RABGAP1L: variants seen among roughly 807,000 people sequenced by gnomAD.
RABGAP1L encodes rab GTPase-activating protein 1-like.
RABGAP1L carries 63 observed loss-of-function variants against 137.7 expected under a neutral mutation model. That is an observed-to-expected ratio of 0.46 (90% CI 0.37 to 0.56). The LOEUF (loss-of-function observed/expected upper bound fraction) is 0.56. Ranked by LOEUF, RABGAP1L falls within the 20% of genes least tolerant of loss-of-function variation. RABGAP1L has a pLI of 0.00. For synonymous variants in RABGAP1L, 431 were observed against 433.7 expected (o/e 0.99, Z 0.08); for missense variants, 1,095 against 1,244.0 (o/e 0.88, Z 1.80).
intron 12 of RABGAP1L, among the ~76,000 whole-genome samples, chr1:174,381,083 A>G (rs1686100013): frequency 1.0e-5 from 1 of 97,674 alleles, no homozygotes; most frequent in African/African-American, 4.3e-5. Context: ...TTCAGTTTCC[A>G]TGTAGTTGAG....
chr1:174,925,688 C>T (rs946051028), intron 19 of RABGAP1L, among the ~76,000 whole-genome samples: 1 of 151,780 alleles, frequency 6.6e-6, no homozygotes, highest in African/African-American at 2.4e-5. Flanking sequence ...TTTTTAAAAA[C>T]GGAATTTATA....
chr1:174,264,268 G>A (rs192203322), intron 7 of RABGAP1L, among the ~76,000 whole-genome samples: 11 of 151,806 alleles, frequency 7.2e-5, no homozygotes, highest in African/African-American at 4.8e-5. Context: ...TTATTCCACT[G>A]TACTACAAGA....
chr1:174,812,405 A>G (rs34573192), intron 19 of RABGAP1L, among the ~76,000 whole-genome samples: 226 of 152,332 alleles, frequency 1.5e-3, no homozygotes, highest in Admixed American at 0.012. Flanking sequence ...ATATCTGTGG[A>G]TACATTGGTC....
chr1:174,377,213 A>G (rs1685621682), intron 12 of RABGAP1L, among the ~76,000 whole-genome samples: 1 of 150,030 alleles, frequency 6.7e-6, no homozygotes, highest in Non-Finnish European at 1.5e-5. Context: ...AGACAGAAAT[A>G]AATGAAGATA....
intron 1 of RABGAP1L, among the ~76,000 whole-genome samples, chr1:174,183,245 A>G (rs534074297): frequency 6.6e-6 from 1 of 152,370 alleles, no homozygotes; most frequent in South Asian, 2.1e-4. Context: ...ATGGATGCCA[A>G]TAAAAACAGA....
chr1:174,657,595 G>C (rs1054401118), intron 14 of RABGAP1L, among the ~76,000 whole-genome samples: 6 of 152,076 alleles, frequency 3.9e-5, no homozygotes, highest in African/African-American at 1.4e-4. Context: ...GTGGCTTAAA[G>C]TATTCCATTT....
chr1:174,314,654 T>C (rs1409429986), intron 11 of RABGAP1L, among the ~76,000 whole-genome samples: 1 of 152,140 alleles, frequency 6.6e-6, no homozygotes, highest in African/African-American at 2.4e-5. Flanking sequence ...ACTTCCCTCT[T>C]TGTACTGCTT....
chr1:174,503,686 T>C (rs1258164122), intron 13 of RABGAP1L, among the ~76,000 whole-genome samples: 1 of 122,146 alleles, frequency 8.2e-6, no homozygotes, highest in Non-Finnish European at 1.8e-5. Context: ...GAAATGTAAA[T>C]ACAAAAAAAA....
intron 18 of RABGAP1L, among the ~76,000 whole-genome samples, chr1:174,770,401 G>A (rs1362444502): frequency 6.6e-6 from 1 of 152,110 alleles, no homozygotes; most frequent in Non-Finnish European, 1.5e-5. Context: ...AGGAAAAAAT[G>A]TATATCATCA....
intron 11 of RABGAP1L, among the ~76,000 whole-genome samples, chr1:174,351,346 G>A (rs1004198216): frequency 1.6e-4 from 25 of 152,194 alleles, no homozygotes; most frequent in Non-Finnish European, 3.2e-4. Context: ...AGCATTTCTT[G>A]TCGGACAGGT....
chr1:174,458,139 G>A (rs1571900367), intron 13 of RABGAP1L, among the ~76,000 whole-genome samples: 1 of 152,024 alleles, frequency 6.6e-6, no homozygotes, highest in East Asian at 1.9e-4. Flanking sequence ...GGGCAAGATA[G>A]GAGCTGACAA....
intron 17 of RABGAP1L, among the ~76,000 whole-genome samples, chr1:174,730,740 G>A (rs1682395948): frequency 6.6e-6 from 1 of 152,118 alleles, no homozygotes; most frequent in African/African-American, 2.4e-5. Context: ...TCATAGAGTT[G>A]TTCACACCTG....
Position 174,318,456 on chromosome 1 carries a change from G to T in RABGAP1L, c.1465+13329G>T, listed in dbSNP as rs200973021. ...GCTATAATTGGGGCGTTGTGTTTTTGTTTTGTTTTGTTTTGTTTTTCTTCC... is the reference window on the plus strand; with the variant it reads ...GCTATAATTGGGGCGTTGTGTTTTTTTTTTGTTTTGTTTTGTTTTTCTTCC... On this transcript the variant is annotated intron_variant, in intron 11 of 25. Coordinates refer to ENST00000681986, the MANE Select transcript of RABGAP1L (RefSeq NM_001366446.1). 3.9e-5 allele frequency among the ~76,000 whole-genome samples: 6 copies of T among 151,916 alleles called. No homozygotes were observed. The East Asian group carries it at 1.2e-3, about 29-fold the overall frequency.
In RABGAP1L at chr1:174,652,846, T is replaced by A. The variant is rs553940474; in HGVS notation, c.1824+15358T>A. On this transcript the variant is annotated intron_variant, in intron 14 of 25. Transcript: ENST00000681986. ...CACAGTGATGAGAGATCTGCTGCTCTCTTTACAGCCGGCAGGCAGGAGTGT... is the reference window on the plus strand; with the variant it reads ...CACAGTGATGAGAGATCTGCTGCTCACTTTACAGCCGGCAGGCAGGAGTGT... Among the ~76,000 whole-genome samples, 12 of 152,320 alleles carry A rather than the reference T, an allele frequency of 7.9e-5. 1 individual carries two copies. In the South Asian group the frequency reaches 2.5e-3, roughly 32 times the overall value.
intron 13 of RABGAP1L, among the ~76,000 whole-genome samples, chr1:174,471,062 T>A (rs1657875612): frequency 6.6e-6 from 1 of 152,130 alleles, no homozygotes; most frequent in South Asian, 2.1e-4. Context: ...TTTGATTTAC[T>A]GATATTGATT....
intron 10 of RABGAP1L, among the ~76,000 whole-genome samples, chr1:174,293,639 G>A (rs959169365): frequency 6.6e-6 from 1 of 152,064 alleles, no homozygotes; most frequent in Admixed American, 6.6e-5. Context: ...AATGAAGAGG[G>A]CATTTCTACT....
intron 13 of RABGAP1L, among the ~76,000 whole-genome samples, chr1:174,436,547 A>G (rs939247820): frequency 2.1e-4 from 32 of 152,094 alleles, no homozygotes; most frequent in South Asian, 8.3e-4. Flanking sequence ...TGTAGATTCT[A>G]GATATTAGCC....
intron 13 of RABGAP1L, among the ~76,000 whole-genome samples, chr1:174,541,017 G>T (rs902998321): frequency 7.2e-5 from 11 of 152,296 alleles, no homozygotes; most frequent in Non-Finnish European, 1.6e-4. Flanking sequence ...CACATCCCTT[G>T]TAAGTTGGAT....
intron 13 of RABGAP1L, among the ~76,000 whole-genome samples, chr1:174,552,216 G>A (rs115259104): frequency 0.017 from 2,608 of 152,166 alleles, 67 homozygotes; most frequent in African/African-American, 0.06. Flanking sequence ...AGTTTGTTAC[G>A]TAGGTAAACT....
Sources: allele counts gnomAD v4.1 joint callset (sites outside exome capture counted in the v4.1 genomes callset), GRCh38; gene constraint gnomAD v4.1.1; transcripts MANE v1.5; gene names NCBI Gene and HGNC (gene_info 2026-07-23, HGNC 2026-07-21).